PCLO: variants seen among roughly 807,000 people sequenced by gnomAD.
PCLO encodes the protein piccolo presynaptic cytomatrix protein.
In PCLO, 82 loss-of-function variants were observed where a neutral mutation model predicts 427.5. The observed-to-expected ratio is 0.19, with a 90% CI of 0.16 to 0.23. PCLO has a LOEUF of 0.23. PCLO is among the 10% of genes least tolerant of loss of function. The pLI, the probability that PCLO is intolerant of heterozygous loss-of-function variation, is 1.00. For synonymous variants in PCLO, 2,357 were observed against 2,155.4 expected, an observed-to-expected ratio of 1.09 and a Z score of -2.59; for missense variants, 6,239 against 6,115.9, an observed-to-expected ratio of 1.02 and a Z score of -0.67.
In PCLO at chr7:82,845,462, C is replaced by G; in HGVS notation, c.13855G>C (p.Val4619Leu). The change falls in exon 13 of 25, where the codon GTT becomes CTT. Residue 4619 changes from valine to leucine, a missense_variant. Transcript: ENST00000333891. The stretch of plus-strand genomic sequence containing the variant: ...TCTGCTGCCAACTGCTTAGGATCAA[C>G]CCCTGGGGATTTCGCCTTATCCACT... ...KAVDKAKSPG[V>L]DPKQLAAELQ... is the part of the protein sequence containing the mutation. 6.2e-7 allele frequency: 1 copy of G among 1,612,474 alleles called. No individual in the cohort carries two copies. The highest frequency in any genetic ancestry group is 8.5e-7 in the Non-Finnish European group (1 of 1,179,044).
intron 3 of PCLO, among the ~76,000 whole-genome samples, chr7:83,133,671 C>T (rs959708763): frequency 1.3e-5 from 2 of 151,822 alleles, no homozygotes; most frequent in Non-Finnish European, 2.9e-5. Context: ...TTATAAAAAG[C>T]CTAAATATAA....
chr7:82,963,314 A>G (rs1335662217), intron 4 of PCLO, among the ~76,000 whole-genome samples: 2 of 152,114 alleles, frequency 1.3e-5, no homozygotes, highest in Non-Finnish European at 2.9e-5. Context: ...AATGGGTTTT[A>G]AAATCATTTG....
intron 3 of PCLO, among the ~76,000 whole-genome samples, chr7:83,065,302 TCCCA>T (rs1789640545): frequency 6.6e-6 from 1 of 151,948 alleles, no homozygotes. Context: ...ATAGTTATTC[TCCCA>T]CTTTGTATGG....
At chr7:82,832,122 AC>A (rs1792108923) in intron 16 of PCLO, among the ~76,000 whole-genome samples, 1 of 152,180 alleles carries the variant, frequency 6.6e-6, no homozygotes, top group Admixed American at 6.6e-5. Context: ...GACAATTAGG[AC>A]AATTATATCT....
At chr7:82,773,046 G>C (rs1471246719) in intron 22 of PCLO, among the ~76,000 whole-genome samples, 1 of 152,082 alleles carries the variant, frequency 6.6e-6, no homozygotes, top group African/African-American at 2.4e-5. Context: ...CCAGAAAGCA[G>C]TCAAGCTTAA....
In PCLO at chr7:82,895,926, T is replaced by C. The variant is rs78580105; in HGVS notation, c.13528+6725A>G. On this transcript the variant is annotated intron_variant, in intron 9 of 24. Coordinates refer to ENST00000333891, the MANE Select transcript of PCLO (RefSeq NM_033026.6). ...ATTCTTCACAAACTCTATAGAAAAA[T>C]ACAGCCAGGAACACTTCCCAACACA... 5.8e-3 allele frequency among the ~76,000 whole-genome samples: 885 copies of C among 151,852 alleles called. 12 individuals are homozygous for C. The highest frequency in any genetic ancestry group is 0.02 in the African/African-American group (835 of 41,494).
At chr7:82,928,935 A>G (rs2116330392) in intron 6 of PCLO, among the ~76,000 whole-genome samples, 1 of 152,276 alleles carries the variant, frequency 6.6e-6, no homozygotes. Flanking sequence ...CAAATATACT[A>G]GGTTGAAAAA....
chr7:83,143,625 T>C (rs369273569), intron 2 of PCLO, among the ~76,000 whole-genome samples: 42 of 146,558 alleles, frequency 2.9e-4, no homozygotes, highest in African/African-American at 1.1e-3. Flanking sequence ...TATTTTAATA[T>C]GTTTGTCAGG....
intron 4 of PCLO, among the ~76,000 whole-genome samples, chr7:82,957,209 T>C (rs1455020171): frequency 6.6e-6 from 1 of 152,198 alleles, no homozygotes; most frequent in Admixed American, 6.5e-5. Flanking sequence ...TTCAATGTCA[T>C]TTTCCCTCAA....
chr7:82,953,446 G>A lies in PCLO; in HGVS notation c.7507C>T (p.Pro2503Ser). The A allele has an allele frequency of 1.9e-6, 3 of 1,613,554 alleles. No individual in the cohort carries two copies. Among genetic ancestry groups the A allele is most frequent in the Non-Finnish European group, 2.5e-6 (3 of 1,179,810 alleles). ...IPSGLVFTHRPEPSKPPIAPK... is the reference protein window; with the variant it reads ...IPSGLVFTHRSEPSKPPIAPK... The stretch of plus-strand genomic sequence containing the variant: ...GCGATTGGAGGTTTGCTTGGCTCAG[G>A]CCTGTGGGTAAATACAAGTCCAGAT... Residue 2503 changes from proline (P) to serine (S), a missense_variant, in exon 5 of 25, where the codon CCT becomes TCT. Pro to Ser is a moderately conservative substitution (Grantham distance 74). Coordinates refer to ENST00000333891, the MANE Select transcript of PCLO (RefSeq NM_033026.6).
At chr7:82,853,230 A>G (rs1200704869) in intron 10 of PCLO, among the ~76,000 whole-genome samples, 1 of 152,106 alleles carries the variant, frequency 6.6e-6, no homozygotes, top group African/African-American at 2.4e-5. Context: ...GTTCAAACAA[A>G]ACTTAAAATA....
At chr7:82,820,442 G>A in intron 20 of PCLO, 1 of 1,013,824 alleles carries the variant, frequency 9.9e-7, no homozygotes, top group Non-Finnish European at 1.2e-6. Context: ...TTCATTTTAA[G>A]CTGCATCATA....
intron 1 of PCLO, among the ~76,000 whole-genome samples, chr7:83,161,793 T>C (rs1048877726): frequency 3.9e-5 from 6 of 152,334 alleles, no homozygotes; most frequent in African/African-American, 1.4e-4. Context: ...GGTTCCTCAA[T>C]GAATATAAAA....
chr7:83,108,441 G>A (rs566494497), intron 3 of PCLO, among the ~76,000 whole-genome samples: 3 of 152,166 alleles, frequency 2.0e-5, no homozygotes, highest in African/African-American at 4.8e-5. Context: ...AGTTTAACCA[G>A]AAATTGCCAT....
At chr7:83,057,681 T>C (rs891872901) in intron 3 of PCLO, among the ~76,000 whole-genome samples, 1 of 151,772 alleles carries the variant, frequency 6.6e-6, no homozygotes, top group African/African-American at 2.4e-5. Flanking sequence ...TTAAATAATA[T>C]TCTTCTTATG....
intron 3 of PCLO, among the ~76,000 whole-genome samples, chr7:83,027,452 T>C (rs1788532668): frequency 6.6e-6 from 1 of 151,874 alleles, no homozygotes; most frequent in Non-Finnish European, 1.5e-5. Context: ...TCTGAAATTG[T>C]GGCAATAATC....
intron 12 of PCLO, among the ~76,000 whole-genome samples, chr7:82,846,115 ATGAAATTACATGT>A (rs1792494628): frequency 6.6e-6 from 1 of 152,174 alleles, no homozygotes; most frequent in Non-Finnish European, 1.5e-5. Flanking sequence ...TCATGTACTT[ATGAAATTACATGT>A]TGATTTTTGT....
At chr7:83,118,678 C>A (rs1213900855) in intron 3 of PCLO, among the ~76,000 whole-genome samples, 1 of 152,132 alleles carries the variant, frequency 6.6e-6, no homozygotes, top group Admixed American at 6.5e-5. Flanking sequence ...AGAGGGGAAT[C>A]CTCTACTCCA....
chr7:82,938,336 A>T (rs531103877), intron 6 of PCLO, among the ~76,000 whole-genome samples: 1 of 152,090 alleles, frequency 6.6e-6, no homozygotes, highest in East Asian at 1.9e-4. Context: ...AGAAAGGCAC[A>T]TTGCTATACA....
Sources: allele counts gnomAD v4.1 joint callset (sites outside exome capture counted in the v4.1 genomes callset), GRCh38; gene constraint gnomAD v4.1.1; transcripts MANE v1.5; gene names NCBI Gene and HGNC (gene_info 2026-07-23, HGNC 2026-07-21).